ADD1: variants seen among roughly 807,000 people sequenced by gnomAD.
ADD1 encodes the protein alpha-adducin.
In ADD1, 24 loss-of-function variants were observed where a neutral mutation model predicts 80.5. That is an observed-to-expected ratio of 0.30 (90% confidence interval 0.22 to 0.42). The LOEUF (loss-of-function observed/expected upper bound fraction) is 0.42, where lower values mean the gene tolerates loss of function less well. Among genes scored for constraint, ADD1 ranks in the 10% least tolerant of loss-of-function variants. The pLI is 1.00. For synonymous variants in ADD1, 373 were observed against 393.8 expected, an observed-to-expected ratio of 0.95 and a Z score of 0.63; for missense variants, 948 against 1,019.0, an observed-to-expected ratio of 0.93 and a Z score of 0.95.
At chr4:2,852,961 T>C (rs942094049) in intron 1 of ADD1, among the ~76,000 whole-genome samples, 3 of 152,184 alleles carry the variant, frequency 2.0e-5, no homozygotes, top group Non-Finnish European at 2.9e-5. Flanking sequence ...AGGACATTTG[T>C]AGCTGTGGAA....
rs965242105 is a variant in ADD1 at position 2,876,037 on chromosome 4, T to A, written c.122T>A (p.Met41Lys). 2 of 1,613,988 alleles carry A rather than the reference T, an allele frequency of 1.2e-6. No homozygotes were observed. Among genetic ancestry groups the A allele is most frequent in the Non-Finnish European group, 1.7e-6 (2 of 1,180,018 alleles). ...NNPEYLRERN[M>K]APDLRQDFNM... ...CCAGAGTACTTGAGGGAGAGGAACA[T>A]GGCACCAGACCTTCGCCAGGACTTC... The change falls in exon 2 of 16, where the codon ATG (methionine) becomes AAG (lysine). Residue 41 changes from methionine to lysine, a missense_variant. Transcript: ENST00000683351.
chr4:2,852,230 CCTTT>C (rs750995674), intron 1 of ADD1, among the ~76,000 whole-genome samples: 8 of 120,356 alleles, frequency 6.6e-5, no homozygotes, highest in African/African-American at 1.5e-4. Context: ...TCCTTTCTTT[CCTTT>C]CTTTCTTTCT....
intron 6 of ADD1, among the ~76,000 whole-genome samples, chr4:2,895,948 C>T (rs554164667): frequency 3.3e-5 from 5 of 149,808 alleles, no homozygotes; most frequent in Non-Finnish European, 5.9e-5. Flanking sequence ...AGTGCAATGG[C>T]GCGATCGCGG....
At chr4:2,909,774 G>T (rs547139905) in intron 13 of ADD1, among the ~76,000 whole-genome samples, 21 of 151,972 alleles carry the variant, frequency 1.4e-4, no homozygotes, top group Non-Finnish European at 2.6e-4. Flanking sequence ...ACTGCAGACA[G>T]CCTCTTCTGG....
At chr4:2,885,894 G>A (rs555584830) in intron 4 of ADD1, among the ~76,000 whole-genome samples, 47 of 152,238 alleles carry the variant, frequency 3.1e-4, no homozygotes, top group Admixed American at 1.2e-3. Flanking sequence ...ACAGGCGTGA[G>A]CCACCCTGCC....
At chr4:2,884,161 G>T (rs1732854809) in intron 3 of ADD1, among the ~76,000 whole-genome samples, 2 of 152,070 alleles carry the variant, frequency 1.3e-5, no homozygotes, top group Non-Finnish European at 2.9e-5. Context: ...TTGCTTTACT[G>T]CACGCCACAA....
rs138252354 is a variant in ADD1, at chr4:2,867,622, A to G, written c.-20-8274A>G. 2.1e-3 allele frequency among the ~76,000 whole-genome samples: 318 copies of G among 152,390 alleles called. No individual in the cohort carries two copies. The Middle Eastern group carries it at 0.024, about 11-fold the overall frequency. On this transcript the variant is annotated intron_variant, in intron 1 of 15. Transcript: ENST00000683351. ...AAAACAACACCAGCTATGTAATTGT[A>G]TAAAAGACTTAATAAAATGTGGATG... is the stretch of plus-strand genomic sequence containing the variant.
At chr4:2,920,657 C>CTTTTTTTTTTTTTTTTTTTTTTTT (rs55649630) in intron 14 of ADD1, among the ~76,000 whole-genome samples, 19 of 136,508 alleles carry the variant, frequency 1.4e-4, no homozygotes, top group African/African-American at 3.9e-4. Flanking sequence ...GCAACTCCTG[C>CTTTTTTTTTTTTTTTTTTTTTTTT]TTTTTTTTTT....
At chr4:2,846,669 C>T (rs946417307) in intron 1 of ADD1, among the ~76,000 whole-genome samples, 1 of 151,994 alleles carries the variant, frequency 6.6e-6, no homozygotes, top group Non-Finnish European at 1.5e-5. Flanking sequence ...TCGCTAATAT[C>T]CTTCAAAAGT....
At chr4:2,908,394 G>A in intron 11 of ADD1, 121 bp from the exon 12 acceptor site, 3 of 812,562 alleles carry the variant, frequency 3.7e-6, no homozygotes, top group Non-Finnish European at 6.1e-6. Context: ...CCTGCGTGGG[G>A]CAGTGGGAGA....
At chr4:2,868,364 G>T (rs187236558) in intron 1 of ADD1, among the ~76,000 whole-genome samples, 7 of 152,138 alleles carry the variant, frequency 4.6e-5, no homozygotes, top group Non-Finnish European at 8.8e-5. Context: ...ATGTCTCTTG[G>T]TGCTGGCCAG....
At chr4:2,899,093 C>G (rs1355698423) in intron 8 of ADD1, 166 bp from the exon 9 acceptor site, 1 of 727,522 alleles carries the variant, frequency 1.4e-6, no homozygotes, top group South Asian at 2.1e-5. Context: ...TAAAGAAATA[C>G]TTCTGAAAGT....
chr4:2,905,937 A>G (rs908176229), intron 10 of ADD1, among the ~76,000 whole-genome samples: 4 of 152,130 alleles, frequency 2.6e-5, no homozygotes, highest in African/African-American at 7.2e-5. Context: ...TTTAAACTGT[A>G]TGTAGAAGAG....
rs761391265 is a variant in ADD1 at position 2,876,051 on chromosome 4, C to T, written c.136C>T (p.Arg46Cys). Residue 46 changes from arginine to cysteine, a missense_variant, in exon 2 of 16, where the codon CGC becomes TGC. By Grantham distance (180) the Arg-to-Cys change is radical. Transcript: ENST00000683351. The part of the protein sequence containing the change: ...LRERNMAPDL[R>C]QDFNMMEQKK... ...GGAGAGGAACATGGCACCAGACCTT[C>T]GCCAGGACTTCAACATGATGGAGCA... is the stretch of plus-strand genomic sequence containing the variant. The T allele has an allele frequency of 8.1e-6, 13 of 1,614,028 alleles. No individual in the cohort carries two copies. Among genetic ancestry groups the T allele is most frequent in the East Asian group, 2.2e-5 (1 of 44,878 alleles).
intron 9 of ADD1, among the ~76,000 whole-genome samples, chr4:2,903,274 A>G (rs1337014461): frequency 6.6e-6 from 1 of 152,172 alleles, no homozygotes; most frequent in Non-Finnish European, 1.5e-5. Flanking sequence ...GACTTGGTTC[A>G]GGTGCGAATC....
intron 4 of ADD1, among the ~76,000 whole-genome samples, chr4:2,886,328 C>T (rs1262201279): frequency 1.3e-5 from 2 of 152,160 alleles, no homozygotes; most frequent in African/African-American, 4.8e-5. Flanking sequence ...CTGGAGCTCA[C>T]CTTGTGATTA....
chr4:2,915,824 C>G (rs1738921323), intron 14 of ADD1, among the ~76,000 whole-genome samples: 1 of 152,070 alleles, frequency 6.6e-6, no homozygotes, highest in Non-Finnish European at 1.5e-5. Context: ...AAAGAAATTG[C>G]AAAGTTAGGC....
intron 1 of ADD1, among the ~76,000 whole-genome samples, chr4:2,866,060 T>C (rs143167601): frequency 3.3e-5 from 5 of 152,384 alleles, no homozygotes; most frequent in Non-Finnish European, 5.9e-5. Context: ...CTAGATTCAC[T>C]CCTGAAATCT....
At chr4:2,892,375 G>C (rs551354607) in intron 4 of ADD1, among the ~76,000 whole-genome samples, 7 of 152,202 alleles carry the variant, frequency 4.6e-5, no homozygotes, top group African/African-American at 1.7e-4. Context: ...ATTTTTGAGG[G>C]CAGGTCTCTT....
Sources: gnomAD v4.1 joint callset for allele counts (sites outside exome capture counted in the v4.1 genomes callset) on GRCh38, gnomAD v4.1.1 for gene constraint, MANE v1.5 for transcripts, NCBI Gene and HGNC (gene_info 2026-07-23, HGNC 2026-07-21) for gene names.